SLIT3: variants seen among roughly 807,000 people sequenced by gnomAD.
SLIT3 encodes the protein slit homolog 3 protein.
A neutral mutation model predicts 184.0 loss-of-function variants in SLIT3; 68 were observed. That is an observed-to-expected ratio of 0.37 (90% CI 0.30 to 0.45). The LOEUF (loss-of-function observed/expected upper bound fraction) is 0.45, where lower values mean the gene tolerates loss of function less well. SLIT3 is among the 20% of genes least tolerant of loss of function. The probability of loss-of-function intolerance (pLI) is 1.00; values close to 1 mark genes in which losing one functional copy is unlikely to be tolerated. For missense variants in SLIT3, 1,707 were observed against 2,026.0 expected, an observed-to-expected ratio of 0.84 and a Z score of 3.02; for synonymous variants, 831 against 828.6, an observed-to-expected ratio of 1.00 and a Z score of -0.05.
rs543838973 is a variant in SLIT3 at position 169,123,622 on chromosome 5, A to G, written c.413+69857T>C. Among the ~76,000 whole-genome samples, 8 of 152,326 alleles carry G rather than the reference A, an allele frequency of 5.3e-5. No homozygotes were observed. The East Asian group carries it at 1.4e-3, about 26-fold the overall frequency. ...TGTACCCAAACAGGCTGCAGACAAG[A>G]GCAGAGATTTCAGTGGAAATCTTAA... On this transcript the variant is annotated intron_variant, in intron 4 of 35. Coordinates refer to ENST00000519560, the MANE Select transcript of SLIT3 (RefSeq NM_003062.4).
intron 6 of SLIT3, among the ~76,000 whole-genome samples, chr5:168,833,724 G>T (rs1036905170): frequency 2.0e-5 from 3 of 152,228 alleles, no homozygotes; most frequent in Non-Finnish European, 2.9e-5. Flanking sequence ...CAGCAATAAA[G>T]AGAACTGGAT....
intron 4 of SLIT3, among the ~76,000 whole-genome samples, chr5:169,128,235 T>TAC (rs1021877690): frequency 1.0e-4 from 15 of 147,958 alleles, no homozygotes; most frequent in Non-Finnish European, 1.9e-4. Context: ...ATTATATATA[T>TAC]ACACACACAC....
intron 4 of SLIT3, among the ~76,000 whole-genome samples, chr5:169,073,858 A>G (rs992290880): frequency 6.6e-6 from 1 of 152,128 alleles, no homozygotes; most frequent in Admixed American, 6.5e-5. Context: ...ACTGTGCACA[A>G]AAATAAACCT....
intron 4 of SLIT3, among the ~76,000 whole-genome samples, chr5:168,934,500 TC>T (rs1185313596): frequency 4.6e-5 from 7 of 152,328 alleles, no homozygotes; most frequent in African/African-American, 1.7e-4. Context: ...TCTTACAGTG[TC>T]TGCCTTCTGT....
At chr5:169,084,222 G>GA (rs1466073222) in intron 4 of SLIT3, among the ~76,000 whole-genome samples, 2 of 150,050 alleles carry the variant, frequency 1.3e-5, no homozygotes, top group East Asian at 3.9e-4. Context: ...GTATTTAAGA[G>GA]AAAAAAAAGA....
intron 4 of SLIT3, among the ~76,000 whole-genome samples, chr5:168,969,856 C>CT (rs1218558753): frequency 2.6e-5 from 4 of 152,204 alleles, no homozygotes; most frequent in Non-Finnish European, 5.9e-5. Flanking sequence ...TAACAGCAAG[C>CT]TTAGCTAATT....
intron 4 of SLIT3, among the ~76,000 whole-genome samples, chr5:169,148,882 TAA>T (rs11325086): frequency 0.03 from 4,495 of 149,008 alleles, 228 homozygotes; most frequent in African/African-American, 0.1. Context: ...CAGTGTTACT[TAA>T]AAAAAAAAAA....
At chr5:169,119,502 G>T (rs1760805659) in intron 4 of SLIT3, among the ~76,000 whole-genome samples, 1 of 152,196 alleles carries the variant, frequency 6.6e-6, no homozygotes, top group Non-Finnish European at 1.5e-5. Flanking sequence ...CATCTCCAAG[G>T]AATTGCCAAG....
chr5:168,708,981 C>T (rs2113311610), intron 25 of SLIT3, among the ~76,000 whole-genome samples: 1 of 152,248 alleles, frequency 6.6e-6, no homozygotes, highest in Non-Finnish European at 1.5e-5. Context: ...TCTTGGTTTG[C>T]TTGGGGCTGA....
At chr5:168,698,585 A>G (rs191775057) in intron 27 of SLIT3, among the ~76,000 whole-genome samples, 76 of 152,218 alleles carry the variant, frequency 5.0e-4, no homozygotes, top group African/African-American at 1.8e-3. Context: ...CAGAACTGTG[A>G]GAGAGTAAAT....
chr5:168,836,009 A>G (rs920071029), intron 6 of SLIT3, among the ~76,000 whole-genome samples: 39 of 152,138 alleles, frequency 2.6e-4, no homozygotes, highest in African/African-American at 9.4e-4. Context: ...CTCAGGGAAA[A>G]GTAGCAATGT....
chr5:168,998,189 A>G (rs1296300719), intron 4 of SLIT3, among the ~76,000 whole-genome samples: 1 of 152,244 alleles, frequency 6.6e-6, no homozygotes, highest in Non-Finnish European at 1.5e-5. Flanking sequence ...GAAGAATGAA[A>G]TACTTTGTCA....
intron 4 of SLIT3, among the ~76,000 whole-genome samples, chr5:169,116,550 C>A (rs1760671368): frequency 6.6e-6 from 1 of 152,164 alleles, no homozygotes; most frequent in Non-Finnish European, 1.5e-5. Flanking sequence ...AGGAAGAGGA[C>A]ATTATGAAAG....
At chr5:169,176,007 G>A (rs575717830) in intron 4 of SLIT3, among the ~76,000 whole-genome samples, 1 of 152,202 alleles carries the variant, frequency 6.6e-6, no homozygotes, top group Non-Finnish European at 1.5e-5. Context: ...TTATCACCCA[G>A]GGTTTCTTCT....
intron 4 of SLIT3, among the ~76,000 whole-genome samples, chr5:169,075,881 TACCA>T (rs1429778269): frequency 2.6e-5 from 4 of 152,236 alleles, no homozygotes; most frequent in Admixed American, 2.0e-4. Flanking sequence ...TCTACTTACC[TACCA>T]ACCTAGTTTG....
intron 27 of SLIT3, among the ~76,000 whole-genome samples, chr5:168,699,983 C>T (rs899717283): frequency 2.0e-5 from 3 of 152,222 alleles, no homozygotes; most frequent in African/African-American, 7.2e-5. Flanking sequence ...TTTCAAATCC[C>T]TGTGCCAATG....
In SLIT3 at chr5:169,160,880, C is replaced by T. The variant is rs541805976; in HGVS notation, c.413+32599G>A. Among the ~76,000 whole-genome samples, 5 of 152,308 alleles carry T rather than the reference C, an allele frequency of 3.3e-5. No individual in the cohort carries two copies. In the South Asian group the frequency reaches 1.0e-3, roughly 32 times the overall value. On this transcript the variant is annotated intron_variant, in intron 4 of 35. Coordinates refer to ENST00000519560, the MANE Select transcript of SLIT3 (RefSeq NM_003062.4). ...CCAGGTCAGCATTTCCCTTTTAGCT[C>T]TCTAACATGGCAATGGGAGACTTTG...
chr5:169,263,710 C>T (rs762438232), intron 1 of SLIT3: 2 of 509,532 alleles, frequency 3.9e-6, no homozygotes, highest in Non-Finnish European at 8.0e-6. Flanking sequence ...CCCCTGCAGC[C>T]TCCCCCAGCT....
intron 23 of SLIT3, among the ~76,000 whole-genome samples, chr5:168,715,220 C>T (rs1762682235): frequency 6.6e-6 from 1 of 152,078 alleles, no homozygotes; most frequent in African/African-American, 2.4e-5. Context: ...TTTGGTTTCT[C>T]AGATATTTTG....
Sources: gnomAD v4.1 joint callset for allele counts (sites outside exome capture counted in the v4.1 genomes callset) on GRCh38, gnomAD v4.1.1 for gene constraint, MANE v1.5 for transcripts, NCBI Gene and HGNC (gene_info 2026-07-23, HGNC 2026-07-21) for gene names.